Variants in LYRM4 observed in about 807,000 individuals in gnomAD.
LYRM4 encodes LYR motif-containing protein 4.
In LYRM4, 9 loss-of-function variants were observed where a neutral mutation model predicts 11.7. The observed-to-expected ratio is 0.77, with a 90% CI of 0.46 to 1.34. The LOEUF (loss-of-function observed/expected upper bound fraction) is 1.34. LYRM4 is among the 40% of genes most tolerant of loss of function. The pLI, the probability that LYRM4 is intolerant of heterozygous loss-of-function variation, is 0.00. For synonymous variants in LYRM4, 42 were observed against 40.4 expected (o/e 1.04, Z -0.15); for missense variants, 133 against 112.5 (o/e 1.18, Z -0.82).
intron 2 of LYRM4, among the ~76,000 whole-genome samples, chr6:5,112,640 A>G (rs1436094464): frequency 6.6e-6 from 1 of 152,240 alleles, no homozygotes; most frequent in Non-Finnish European, 1.5e-5. Flanking sequence ...GAAATCTCTG[A>G]GTCAGGAAGG....
chr6:5,040,211 TC>T, the LYRM4 span, among the ~76,000 whole-genome samples: 1 of 151,720 alleles, frequency 6.6e-6, no homozygotes, highest in African/African-American at 2.4e-5. Flanking sequence ...CCCAGCTACT[TC>T]GGAGGCTGGG....
intron 2 of LYRM4, among the ~76,000 whole-genome samples, chr6:5,111,933 C>T (rs1207256282): frequency 6.6e-6 from 1 of 152,162 alleles, no homozygotes; most frequent in Admixed American, 6.5e-5. Context: ...ACAAAGCTGG[C>T]CAGAGTCAAG....
chr6:5,138,064 T>C (rs573360541), intron 2 of LYRM4, among the ~76,000 whole-genome samples: 1 of 152,342 alleles, frequency 6.6e-6, no homozygotes. Context: ...ACAATGGTGC[T>C]GTCTTTCAGC....
chr6:5,049,260 C>A, the LYRM4 span, among the ~76,000 whole-genome samples: 982 of 152,242 alleles, frequency 6.5e-3, 14 homozygotes, highest in African/African-American at 0.022. Flanking sequence ...GAGCCCCCTA[C>A]CACCACCCAA....
chr6:5,239,580 G>C (rs776165332), intron 1 of LYRM4, among the ~76,000 whole-genome samples: 1 of 152,052 alleles, frequency 6.6e-6, no homozygotes, highest in African/African-American at 2.4e-5. Context: ...AGAAGGTGGT[G>C]TCCCGCACGC....
the LYRM4 span, among the ~76,000 whole-genome samples, chr6:5,039,875 T>G: frequency 7.5e-3 from 1,140 of 152,034 alleles, 17 homozygotes; most frequent in African/African-American, 0.024. Flanking sequence ...CTACAAGAAT[T>G]AAAGGAGTAA....
chr6:5,162,996 A>G (rs145415857), intron 2 of LYRM4, among the ~76,000 whole-genome samples: 1,899 of 152,196 alleles, frequency 0.012, 38 homozygotes, highest in African/African-American at 0.043. Flanking sequence ...TATATTGTGG[A>G]TATAAATTTT....
intron 2 of LYRM4, among the ~76,000 whole-genome samples, chr6:5,199,737 G>C (rs1276852837): frequency 1.3e-5 from 2 of 152,170 alleles, no homozygotes; most frequent in African/African-American, 4.8e-5. Flanking sequence ...TTCTGGTCTG[G>C]CCAACCCATC....
chr6:5,198,302 C>T (rs1420297293), intron 2 of LYRM4, among the ~76,000 whole-genome samples: 2 of 152,188 alleles, frequency 1.3e-5, no homozygotes, highest in Non-Finnish European at 2.9e-5. Context: ...CTACTTGTCA[C>T]AGAGGCCTAT....
the LYRM4 span, chr6:5,086,828 C>A: frequency 2.0e-6 from 1 of 500,180 alleles, no homozygotes; most frequent in Non-Finnish European, 3.5e-6. Flanking sequence ...CTCTAGAATT[C>A]CCAGCCTGCG....
intron 2 of LYRM4, among the ~76,000 whole-genome samples, chr6:5,158,479 T>G (rs978654990): frequency 5.9e-5 from 9 of 151,588 alleles, no homozygotes; most frequent in African/African-American, 1.9e-4. Flanking sequence ...CCACGTTTTT[T>G]TTTTTTTTTT....
At chr6:5,060,243 C>A in the LYRM4 span, among the ~76,000 whole-genome samples, 1 of 152,110 alleles carries the variant, frequency 6.6e-6, no homozygotes, top group African/African-American at 2.4e-5. Context: ...TATTTTATTG[C>A]CCTCCAAAGA....
At chr6:5,070,918 G>A in the LYRM4 span, among the ~76,000 whole-genome samples, 2 of 149,922 alleles carry the variant, frequency 1.3e-5, no homozygotes, top group Non-Finnish European at 3.0e-5. Flanking sequence ...TCTGCTGGGT[G>A]CGGTGGCTCA....
chr6:5,127,259 A>G (rs1024434598), intron 2 of LYRM4, among the ~76,000 whole-genome samples: 1 of 151,996 alleles, frequency 6.6e-6, no homozygotes, highest in African/African-American at 2.4e-5. Flanking sequence ...CTCTTTTTGT[A>G]CTTTTTGTTG....
chr6:5,231,594 T>C (rs1436197096), intron 1 of LYRM4, among the ~76,000 whole-genome samples: 1 of 152,182 alleles, frequency 6.6e-6, no homozygotes, highest in Non-Finnish European at 1.5e-5. Context: ...CTTTCTCCCT[T>C]TGGAGAGCTT....
At chr6:5,211,579 C>T (rs1761988557) in intron 2 of LYRM4, among the ~76,000 whole-genome samples, 1 of 152,172 alleles carries the variant, frequency 6.6e-6, no homozygotes, top group Non-Finnish European at 1.5e-5. Context: ...CTCTTAATTT[C>T]TTACAACTGC....
the LYRM4 span, chr6:5,054,220 T>C: frequency 4.5e-6 from 2 of 446,938 alleles, no homozygotes; most frequent in South Asian, 1.9e-4. Flanking sequence ...ATCAAATGAA[T>C]GCCTTGTCCC....
downstream of LYRM4, chr6:5,107,280 T>C (rs1032777052): frequency 6.6e-6 from 1 of 152,254 alleles, no homozygotes; most frequent in Non-Finnish European, 1.5e-5. Flanking sequence ...GACTGCCTCA[T>C]TGCGTAAAAC....
chr6:5,227,789 A>C (rs907350899), intron 1 of LYRM4, among the ~76,000 whole-genome samples: 1 of 152,214 alleles, frequency 6.6e-6, no homozygotes, highest in Non-Finnish European at 1.5e-5. Context: ...TACACCACAG[A>C]ATACTAAACA....
Sources: gnomAD v4.1 joint callset for allele counts (sites outside exome capture counted in the v4.1 genomes callset) on GRCh38, gnomAD v4.1.1 for gene constraint, MANE v1.5 for transcripts, NCBI Gene and HGNC (gene_info 2026-07-23, HGNC 2026-07-21) for gene names.